The following NFYC variants were observed in gnomAD, a reference collection of about 807,000 sequenced individuals.
NFYC encodes nuclear transcription factor Y subunit gamma, also known as CAAT box DNA-binding protein subunit C.
In NFYC, 25 loss-of-function variants were observed where a neutral mutation model predicts 53.1. The observed-to-expected ratio is 0.47, with a 90% CI of 0.34 to 0.66. The LOEUF (loss-of-function observed/expected upper bound fraction) is 0.66, where lower values mean the gene tolerates loss of function less well. NFYC is among the 30% of genes least tolerant of loss of function. NFYC has a pLI of 0.01. For synonymous variants in NFYC, 145 were observed against 152.6 expected (o/e 0.95, Z 0.37); for missense variants, 260 against 422.7 (o/e 0.62, Z 3.38).
At chr1:40,758,416 GGAAACT>G in intron 6 of NFYC, 122 bp downstream of exon 6, 1 of 1,135,106 alleles carries the variant, frequency 8.8e-7, no homozygotes, top group African/African-American at 1.6e-5. Flanking sequence ...TTTAAAGTCT[GGAAACT>G]GGAACTTTTC....
chr1:40,699,113 G>A (rs1643304109), intron 1 of NFYC, among the ~76,000 whole-genome samples: 2 of 152,012 alleles, frequency 1.3e-5, no homozygotes, highest in Admixed American at 6.5e-5. Flanking sequence ...GCAGTGAGCC[G>A]AGATCGCGCC....
chr1:40,703,619 C>T (rs1467392666), intron 1 of NFYC, among the ~76,000 whole-genome samples: 4 of 152,082 alleles, frequency 2.6e-5, no homozygotes, highest in Non-Finnish European at 1.5e-5. Flanking sequence ...CCTGCTACTC[C>T]GTTATTTCAC....
At chr1:40,711,427 T>G (rs1643923806) in intron 1 of NFYC, among the ~76,000 whole-genome samples, 1 of 152,224 alleles carries the variant, frequency 6.6e-6, no homozygotes, top group Admixed American at 6.5e-5. Context: ...GGTGCTGACT[T>G]GACCCTGTTG....
Position 40,714,065 on chromosome 1 carries a change from T to A in NFYC, c.-9+22198T>A, listed in dbSNP as rs142010918. On this transcript the variant is annotated intron_variant, in intron 1 of 9. Transcript: ENST00000447388. ...GGTATTCCAGAAAGCCAGGTTACTT[T>A]TATGCATTATGAGGAATTTAGGGTA... Among the ~76,000 whole-genome samples, 86 of 152,332 alleles carry A rather than the reference T, an allele frequency of 5.6e-4. 2 individuals carry two copies. In the East Asian group the frequency reaches 0.01, roughly 18 times the overall value.
Position 40,765,872 on chromosome 1 carries a change from G to T in NFYC, c.721-724G>T, listed in dbSNP as rs80128667. On this transcript the variant is annotated intron_variant, in intron 7 of 9. Transcript: ENST00000447388. ...AGCACACAATTAAATGCAGCATGTG[G>T]TATTATTGTATTATCTGAGATTTAA... Among the ~76,000 whole-genome samples, 928 of 152,306 alleles carry T rather than the reference G, an allele frequency of 6.1e-3. 12 individuals are homozygous for T. The highest frequency in any genetic ancestry group is 0.021 in the African/African-American group (869 of 41,564).
chr1:40,764,789 G>A (rs960701174), intron 7 of NFYC, among the ~76,000 whole-genome samples: 2 of 152,176 alleles, frequency 1.3e-5, no homozygotes, highest in African/African-American at 4.8e-5. Flanking sequence ...AAAAAGCTAT[G>A]AGGGTCCCCA....
rs1366886655 is a variant in NFYC, at chr1:40,770,056, AG to A, written c.888+644del. 1.3e-5 allele frequency among the ~76,000 whole-genome samples: 2 copies of A among 152,206 alleles called. No homozygotes were observed. The highest frequency in any genetic ancestry group is 1.3e-4 in the Admixed American group (2 of 15,282). ...GCACCACATGCTAGGCTTACATGCC[AG>A]GGCTCCCATGAGGGCTTGGCTTTTG... On this transcript the variant is annotated intron_variant, in intron 9 of 9. Coordinates refer to ENST00000447388, the MANE Select transcript of NFYC (RefSeq NM_014223.5). The surrounding 1 kb of genome is among the most constrained non-coding windows in gnomAD (Gnocchi z 5.3).
chr1:40,742,469 T>C (rs1221377953), intron 2 of NFYC, among the ~76,000 whole-genome samples: 1 of 152,232 alleles, frequency 6.6e-6, no homozygotes, highest in Admixed American at 6.5e-5. Context: ...AGACTTAGTC[T>C]ATCAGAAGTT....
At chr1:40,757,426 A>T (rs1646287318) in intron 5 of NFYC, 2 of 508,772 alleles carry the variant, frequency 3.9e-6, no homozygotes, top group Admixed American at 4.1e-5. Flanking sequence ...ACAGAATGCG[A>T]CCTCCCTAAT....
At chr1:40,733,014 C>CG (rs1553154946) in intron 1 of NFYC, among the ~76,000 whole-genome samples, 12 of 79,794 alleles carry the variant, frequency 1.5e-4, no homozygotes, top group Admixed American at 1.5e-3. Context: ...ATTCGCCCCC[C>CG]CCCCCTTTTT....
intron 2 of NFYC, among the ~76,000 whole-genome samples, chr1:40,747,135 G>T (rs1645647055): frequency 6.6e-6 from 1 of 151,864 alleles, no homozygotes; most frequent in Non-Finnish European, 1.5e-5. Context: ...GCAGTTTAGA[G>T]GAATACCCCT....
chr1:40,756,731 G>A (rs958810264), intron 5 of NFYC, among the ~76,000 whole-genome samples: 2 of 152,194 alleles, frequency 1.3e-5, no homozygotes, highest in Non-Finnish European at 2.9e-5. Context: ...ATATCAGCAA[G>A]TTGGATTCAG....
chr1:40,709,065 T>C (rs542553176), intron 1 of NFYC, among the ~76,000 whole-genome samples: 1 of 152,338 alleles, frequency 6.6e-6, no homozygotes, highest in East Asian at 1.9e-4. Context: ...ATATTCTGTT[T>C]TAGAAGCACA....
intron 1 of NFYC, among the ~76,000 whole-genome samples, chr1:40,722,814 T>G (rs1434984849): frequency 2.6e-5 from 4 of 152,208 alleles, no homozygotes; most frequent in African/African-American, 9.6e-5. Flanking sequence ...TACCTCGTGC[T>G]TTAGTGCCCC....
chr1:40,708,501 T>G (rs531296394), intron 1 of NFYC, among the ~76,000 whole-genome samples: 1 of 152,356 alleles, frequency 6.6e-6, no homozygotes, highest in African/African-American at 2.4e-5. Flanking sequence ...CTAGCTTTTT[T>G]GTCATTCCCC....
chr1:40,768,580 G>C (rs1423729812), intron 8 of NFYC: 4 of 152,182 alleles, frequency 2.6e-5, no homozygotes, highest in African/African-American at 9.7e-5. Flanking sequence ...TGTTCCATAG[G>C]AACACATGTG....
chr1:40,771,541 G>A lies in NFYC; in HGVS notation c.*713G>A, dbSNP rs1369316957. ...TTATTTTTTAAATGCATTAAAAACT[G>A]TGCTAGTCTCCTTTGCATGGACTTC... On this transcript the variant is annotated 3_prime_UTR_variant, in exon 10 of 10. Coordinates refer to ENST00000447388, the MANE Select transcript of NFYC (RefSeq NM_014223.5). 4.7e-6 allele frequency: 2 copies of A among 430,050 alleles called. No homozygotes were observed. Among genetic ancestry groups the A allele is most frequent in the Admixed American group, 2.8e-5 (1 of 36,134 alleles). 26.6% of individuals were successfully genotyped at this position (430,050 alleles called of 1,614,324 possible).
chr1:40,758,434 C>T (rs567638777), intron 6 of NFYC, 140 bp downstream of exon 6: 4 of 936,930 alleles, frequency 4.3e-6, no homozygotes, highest in African/African-American at 3.3e-5. Flanking sequence ...GAACTTTTCC[C>T]CAGATTCAGC....
intron 7 of NFYC, chr1:40,763,347 C>T (rs1246544678): frequency 2.2e-6 from 1 of 457,412 alleles, no homozygotes; most frequent in East Asian, 6.8e-5. Context: ...ATGCATAATC[C>T]TTTTTTTCTT....
Sources: allele counts gnomAD v4.1 joint callset (sites outside exome capture counted in the v4.1 genomes callset), GRCh38; gene constraint gnomAD v4.1.1; non-coding constraint Gnocchi (gnomAD v3.1); transcripts MANE v1.5; gene names NCBI Gene and HGNC (gene_info 2026-07-23, HGNC 2026-07-21).